CDKAL1: variants seen among roughly 807,000 people sequenced by gnomAD.
CDKAL1 encodes the protein CDKAL1 threonylcarbamoyladenosine tRNA methylthiotransferase.
CDKAL1 carries 32 observed loss-of-function variants against 68.2 expected under a neutral mutation model. The ratio of observed to expected loss-of-function variants is 0.47; its 90% CI spans 0.35 to 0.63. The LOEUF is 0.63. CDKAL1 is among the 30% of genes least tolerant of loss of function. The pLI is 0.00. For synonymous variants in CDKAL1, 234 were observed against 244.3 expected (o/e 0.96, Z 0.39); for missense variants, 606 against 696.7 (o/e 0.87, Z 1.47).
intron 5 of CDKAL1, among the ~76,000 whole-genome samples, chr6:20,736,241 G>T (rs58332063): frequency 0.072 from 10,941 of 152,036 alleles, 537 homozygotes; most frequent in African/African-American, 0.14. Context: ...GCCCATTCGT[G>T]TAAGTATTGT....
At chr6:20,874,166 C>T (rs1045566637) in intron 9 of CDKAL1, among the ~76,000 whole-genome samples, 1 of 152,036 alleles carries the variant, frequency 6.6e-6, no homozygotes, top group African/African-American at 2.4e-5. Context: ...TCTTTGGTGC[C>T]CTCAACCATG....
At chr6:21,041,430 A>C (rs1265410550) in intron 11 of CDKAL1, among the ~76,000 whole-genome samples, 1 of 152,220 alleles carries the variant, frequency 6.6e-6, no homozygotes, top group Non-Finnish European at 1.5e-5. Context: ...GCACACCATC[A>C]GCAGATGTAA....
chr6:20,695,102 A>G (rs538624411), intron 5 of CDKAL1, among the ~76,000 whole-genome samples: 2 of 152,204 alleles, frequency 1.3e-5, no homozygotes, highest in African/African-American at 2.4e-5. Context: ...GACAGTCCCT[A>G]TTTAATGCAG....
intron 7 of CDKAL1, among the ~76,000 whole-genome samples, chr6:20,769,069 G>A (rs1424248241): frequency 6.6e-6 from 1 of 152,030 alleles, no homozygotes; most frequent in Non-Finnish European, 1.5e-5. Flanking sequence ...TCTCTGACAT[G>A]GTCCCTGAAC....
Position 21,070,010 on chromosome 6 carries a change from T to C in CDKAL1, c.1236+4782T>C, listed in dbSNP as rs1001735068. Among the ~76,000 whole-genome samples, 36 of 152,052 alleles carry C rather than the reference T, an allele frequency of 2.4e-4. 2 individuals are homozygous for C. Among genetic ancestry groups the C allele is most frequent in the African/African-American group, 8.7e-4 (36 of 41,480 alleles). ...TTTCACCGTGTTAACCAGGATGGTC[T>C]CGATCTCCTGACCTTGTGATCCACC... On this transcript the variant is annotated intron_variant, in intron 12 of 15. Coordinates refer to ENST00000274695, the MANE Select transcript of CDKAL1 (RefSeq NM_017774.3).
chr6:21,204,645 A>G (rs986253482), intron 15 of CDKAL1, among the ~76,000 whole-genome samples: 7 of 152,178 alleles, frequency 4.6e-5, no homozygotes, highest in African/African-American at 7.2e-5. Context: ...CACTATTATT[A>G]TCCCCATTTC....
chr6:21,182,451 C>T (rs947878741), intron 13 of CDKAL1, among the ~76,000 whole-genome samples: 3 of 152,112 alleles, frequency 2.0e-5, no homozygotes, highest in Non-Finnish European at 2.9e-5. Context: ...ATCTTGTGAG[C>T]ATTCTTCTAG....
At chr6:20,970,881 G>A (rs902840547) in intron 10 of CDKAL1, among the ~76,000 whole-genome samples, 2 of 152,022 alleles carry the variant, frequency 1.3e-5, no homozygotes, top group Admixed American at 6.6e-5. Flanking sequence ...ACCAAGTCTC[G>A]CTCTGTCACC....
At position 20,546,469 on chromosome 6, in the gene CDKAL1, G is replaced by A. The variant is rs777679539; in HGVS notation, c.119G>A (p.Arg40Lys). 2 of 1,614,116 alleles carry A rather than the reference G, an allele frequency of 1.2e-6. No individual in the cohort carries two copies. The highest frequency in any genetic ancestry group is 2.2e-5 in the East Asian group (1 of 44,866). Residue 40 changes from arginine to lysine, a missense_variant, in exon 3 of 16, where the codon AGG becomes AAG. Physicochemically the swap from Arg to Lys is conservative, Grantham distance 26. Coordinates refer to ENST00000274695, the MANE Select transcript of CDKAL1 (RefSeq NM_017774.3). ...AAGGATGTTGTCCCGAAGGTACGAA[G>A]GCGAAATACCCAAAAATATTTGCAA... ...VRKDVVPKVR[R>K]RNTQKYLQEE... is the part of the protein sequence containing the mutation.
intron 4 of CDKAL1, among the ~76,000 whole-genome samples, chr6:20,576,688 C>G (rs114123596): frequency 0.011 from 1,693 of 152,232 alleles, 30 homozygotes; most frequent in African/African-American, 0.037. Flanking sequence ...GTAGCAAACT[C>G]TATGCTAGTC....
chr6:21,207,459 G>A (rs1027004674), intron 15 of CDKAL1, among the ~76,000 whole-genome samples: 2 of 152,020 alleles, frequency 1.3e-5, no homozygotes, highest in South Asian at 2.1e-4. Flanking sequence ...CCAGAGGGTC[G>A]AGGCTGCAGG....
rs544101461 is a variant in CDKAL1, at chr6:20,835,673, C to T, written c.639-10402C>T. On this transcript the variant is annotated intron_variant, in intron 8 of 15. Transcript: ENST00000274695. ...AGTGATTCTCCTGCCTCATCTTCTC[C>T]AGTAGCTGGGATTACAGGCGTGCGC... is the stretch of plus-strand genomic sequence containing the variant. Among the ~76,000 whole-genome samples, 3 of 152,132 alleles carry T rather than the reference C, an allele frequency of 2.0e-5. No individual in the cohort carries two copies. In the East Asian group the frequency reaches 5.8e-4, roughly 29 times the overall value.
chr6:20,892,249 G>A (rs1761447333), intron 9 of CDKAL1, among the ~76,000 whole-genome samples: 1 of 152,052 alleles, frequency 6.6e-6, no homozygotes. Context: ...GGAGGGAGAG[G>A]GAGAGAGACT....
At chr6:21,132,793 A>G (rs1039353526) in intron 13 of CDKAL1, among the ~76,000 whole-genome samples, 2 of 151,638 alleles carry the variant, frequency 1.3e-5, no homozygotes, top group Non-Finnish European at 2.9e-5. Context: ...ACATCTGTCT[A>G]CCCCCCAAAA....
rs149522389 is a variant in CDKAL1 at position 20,835,219 on chromosome 6, T to A, written c.639-10856T>A. On this transcript the variant is annotated intron_variant, in intron 8 of 15. Transcript: ENST00000274695. The stretch of plus-strand genomic sequence containing the variant: ...CATGATTGTGGCAATGTTTCACAGA[T>A]GTATTCATATGTCAACACTTACCAA... Among the ~76,000 whole-genome samples the A allele has an allele frequency of 9.1e-4, 139 of 152,330 alleles. 2 individuals are homozygous for A. The East Asian group carries it at 0.022, about 25-fold the overall frequency.
intron 11 of CDKAL1, among the ~76,000 whole-genome samples, chr6:21,045,886 G>A (rs114621928): frequency 4.5e-4 from 69 of 152,310 alleles, no homozygotes; most frequent in African/African-American, 1.6e-3. Context: ...GATAGTCATT[G>A]TTTCTGAGAA....
At chr6:20,981,250 G>A (rs1190204187) in intron 10 of CDKAL1, among the ~76,000 whole-genome samples, 1 of 152,122 alleles carries the variant, frequency 6.6e-6, no homozygotes, top group Non-Finnish European at 1.5e-5. Context: ...TTTGTTTTTA[G>A]TTTTAATGAG....
intron 5 of CDKAL1, among the ~76,000 whole-genome samples, chr6:20,734,524 A>G (rs1773098430): frequency 6.6e-6 from 1 of 152,178 alleles, no homozygotes; most frequent in South Asian, 2.1e-4. Flanking sequence ...ATTAACCTGA[A>G]CAAAGCTAAC....
In CDKAL1 at chr6:20,584,561, A is replaced by G. The variant is rs1049041873; in HGVS notation, c.286+35856A>G. Among the ~76,000 whole-genome samples, 6 of 152,326 alleles carry G rather than the reference A, an allele frequency of 3.9e-5. No individual in the cohort carries two copies. The East Asian group carries it at 5.8e-4, about 15-fold the overall frequency. On this transcript the variant is annotated intron_variant, in intron 4 of 15. Transcript: ENST00000274695. ...ATAACTGTGATCCCTTTTCTTCTCT[A>G]TAATGCTGAGTGTTCACAATTGAGA...
Sources: allele counts gnomAD v4.1 joint callset (sites outside exome capture counted in the v4.1 genomes callset), GRCh38; gene constraint gnomAD v4.1.1; transcripts MANE v1.5; gene names NCBI Gene and HGNC (gene_info 2026-07-23, HGNC 2026-07-21).